The following HOXC9 variants were observed in gnomAD, a reference collection of about 807,000 sequenced individuals.
HOXC9 encodes homeobox C9, also known as homeobox protein Hox-C9.
Under a neutral mutation model 20.0 loss-of-function variants are expected in HOXC9, and 10 were observed. The observed-to-expected ratio is 0.50, with a 90% CI of 0.31 to 0.85. The LOEUF is 0.85. Among genes scored for constraint, HOXC9 ranks in the 40% least tolerant of loss-of-function variants. HOXC9 has a pLI of 0.05. For synonymous variants in HOXC9, 200 were observed against 163.7 expected (o/e 1.22, Z -1.69); for missense variants, 394 against 376.7 (o/e 1.05, Z -0.38).
At chr12:54,001,287 G>A (rs1481985776) in intron 1 of HOXC9, among the ~76,000 whole-genome samples, 5 of 152,042 alleles carry the variant, frequency 3.3e-5, no homozygotes, top group Non-Finnish European at 5.9e-5. Flanking sequence ...GGAGAGATCA[G>A]GACTTTCAAA....
At chr12:54,001,157 G>A (rs540953610) in intron 1 of HOXC9, among the ~76,000 whole-genome samples, 4 of 152,156 alleles carry the variant, frequency 2.6e-5, no homozygotes, top group Non-Finnish European at 4.4e-5. Flanking sequence ...AATGACCCCT[G>A]CTTCCCAGTC....
chr12:54,001,819 T>C (rs1049628837), intron 1 of HOXC9, among the ~76,000 whole-genome samples: 4 of 151,862 alleles, frequency 2.6e-5, no homozygotes, highest in Non-Finnish European at 4.4e-5. Flanking sequence ...AAAACTAAGA[T>C]ATAGGGGAGC....
In HOXC9 at chr12:54,000,563, G is replaced by T; in HGVS notation, c.375G>T (p.Gly125=). Residue 125 remains glycine, a synonymous_variant, in exon 1 of 2, where the codon GGG becomes GGT. Transcript: ENST00000303450. ...HYALKPDAYP[G]RRADCGPGEG... is the part of the protein sequence containing the mutation. ...CCCTCAAGCCGGACGCCTACCCCGGGCGCCGCGCGGACTGCGGCCCAGGGG... is the reference window on the plus strand; with the variant it reads ...CCCTCAAGCCGGACGCCTACCCCGGTCGCCGCGCGGACTGCGGCCCAGGGG... 9 of 1,537,422 alleles carry T rather than the reference G, an allele frequency of 5.9e-6. No individual in the cohort carries two copies. The highest frequency in any genetic ancestry group is 7.8e-6 in the Non-Finnish European group (9 of 1,149,472).
chr12:54,002,301 A>C (rs1939763723), intron 1 of HOXC9, 129 bp from the exon 2 acceptor site: 2 of 1,219,892 alleles, frequency 1.6e-6, no homozygotes, highest in Admixed American at 4.6e-5. Context: ...AAATTCCTAA[A>C]GCAAAATGTG....
At chr12:54,001,701 G>C (rs533910422) in intron 1 of HOXC9, among the ~76,000 whole-genome samples, 27 of 152,194 alleles carry the variant, frequency 1.8e-4, no homozygotes, top group African/African-American at 3.1e-4. Context: ...TCCTCTGAAG[G>C]CTTCCCTCCC....
intron 1 of HOXC9, among the ~76,000 whole-genome samples, chr12:54,000,950 C>A (rs971907496): frequency 6.6e-6 from 1 of 152,146 alleles, no homozygotes; most frequent in African/African-American, 2.4e-5. Context: ...GGGAGCTCCT[C>A]TCTCAGGAGC....
chr12:54,002,832 A>C lies in HOXC9; in HGVS notation c.*158A>C. The C allele has an allele frequency of 3.7e-6, 3 of 813,494 alleles. No individual in the cohort carries two copies. Among genetic ancestry groups the C allele is most frequent in the Non-Finnish European group, 3.7e-6 (2 of 545,472 alleles). The allele number at this position is 813,494 out of a possible 1,614,324, so 50.4% of individuals were successfully genotyped here. A position where few individuals can be genotyped will look rare whatever the true frequency, so the allele number is the denominator to read the frequency against. On this transcript the variant is annotated 3_prime_UTR_variant, in exon 2 of 2. Transcript: ENST00000303450. ...AGAAAAACAAGGAAGGGGAAAAGAA[A>C]ACTCTTGCGATTTGGGAGGGTTCAG...
chr12:54,002,362 G>T, intron 1 of HOXC9, 68 bp from the exon 2 acceptor site: 1 of 1,560,394 alleles, frequency 6.4e-7, no homozygotes, highest in Non-Finnish European at 8.7e-7. Context: ...TAAGTCTAGG[G>T]GTAGAGTAGC....
At position 54,000,636 on chromosome 12, in the gene HOXC9, C is replaced by A; in HGVS notation, c.448C>A (p.Arg150Ser). 6.5e-7 allele frequency: 1 copy of A among 1,542,164 alleles called. No homozygotes were observed. Among genetic ancestry groups the A allele is most frequent in the Non-Finnish European group, 8.7e-7 (1 of 1,150,530 alleles). Residue 150 changes from arginine (R) to serine (S), a missense_variant, in exon 1 of 2, where the codon CGC (arginine) becomes AGC (serine). Physicochemically the swap from Arg to Ser is moderately radical, Grantham distance 110. Transcript: ENST00000303450. ...DYMYGSPGEL[R>S]DRAPQTLPSP... ...CATGTACGGCTCGCCCGGGGAGCTG[C>A]GCGACCGCGCCCCGCAGACACTGCC...
Position 54,002,908 on chromosome 12 carries a change from G to A in HOXC9, c.*234G>A, listed in dbSNP as rs1939779803. 4 of 391,668 alleles carry A rather than the reference G, an allele frequency of 1.0e-5. No homozygotes were observed. Among genetic ancestry groups the A allele is most frequent in the Non-Finnish European group, 1.3e-5 (3 of 223,164 alleles). The allele number at this position is 391,668 out of a possible 1,614,324, so 24.3% of individuals were successfully genotyped here. ...TAGTTCTACCCAGCGAGGAGGAGGCGGGGAGAGAAACTGCGTTCTCTTTCC... is the reference window on the plus strand; with the variant it reads ...TAGTTCTACCCAGCGAGGAGGAGGCAGGGAGAGAAACTGCGTTCTCTTTCC... On this transcript the variant is annotated 3_prime_UTR_variant, in exon 2 of 2. Coordinates refer to ENST00000303450, the MANE Select transcript of HOXC9 (RefSeq NM_006897.3).
At position 54,000,410 on chromosome 12, in the gene HOXC9, C is replaced by T. The variant is rs34136736; in HGVS notation, c.222C>T (p.Ser74=). The change falls in exon 1 of 2, where the codon TCC becomes TCT. Residue 74 remains serine, a synonymous_variant. Transcript: ENST00000303450. The part of the protein sequence containing the change: ...TSWAPVPSQS[S]VVYHPYGPQP... ...GGGCGCCCGTGCCCTCTCAGTCGTC[C>T]GTGGTATATCACCCGTACGGCCCCC... The T allele has an allele frequency of 1.1e-4, 174 of 1,611,860 alleles. No individual in the cohort carries two copies. Among genetic ancestry groups the T allele is most frequent in the Non-Finnish European group, 1.4e-4 (170 of 1,180,000 alleles).
chr12:54,002,385 C>G, intron 1 of HOXC9, 45 bp from the exon 2 acceptor site: 1 of 1,590,480 alleles, frequency 6.3e-7, no homozygotes, highest in Middle Eastern at 2.0e-4. Context: ...AAGTCCTGGG[C>G]TGGAAAGGGG....
Position 54,000,738 on chromosome 12 carries a change from G to C in HOXC9, c.538+12G>C. 10 of 1,509,136 alleles carry C rather than the reference G, an allele frequency of 6.6e-6. No homozygotes were observed. Among genetic ancestry groups the C allele is most frequent in the Non-Finnish European group, 8.8e-6 (10 of 1,136,480 alleles). The allele number at this position is 1,509,136 out of a possible 1,614,324, so 93.5% of individuals were successfully genotyped here. ...CGACCTGGACCCCAGTAAGTTGGGA[G>C]CAATTTTCCTTTACAACCGGCGCGG... On this transcript the variant is annotated intron_variant, in intron 1 of 1. Transcript: ENST00000303450.
In HOXC9 at chr12:54,001,429, T is replaced by TACACACACACAC. The variant is rs56935573; in HGVS notation, c.538+718_538+729dup. On this transcript the variant is annotated intron_variant, in intron 1 of 1. Coordinates refer to ENST00000303450, the MANE Select transcript of HOXC9 (RefSeq NM_006897.3). ...GGCATCTCCCCAGATTAGAGAATTC[T>TACACACACACAC]ACACACACACACACACACACACACA... Among the ~76,000 whole-genome samples, 238 of 146,420 alleles carry TACACACACACAC rather than the reference T, an allele frequency of 1.6e-3. 3 individuals are homozygous for TACACACACACAC. Among genetic ancestry groups the TACACACACACAC allele is most frequent in the African/African-American group, 5.5e-3 (219 of 39,584 alleles).
At position 54,000,335 on chromosome 12, in the gene HOXC9, T is replaced by C; in HGVS notation, c.147T>C (p.Asp49=). Residue 49 remains aspartate (D), a synonymous_variant, in exon 1 of 2, where the codon GAT becomes GAC. Coordinates refer to ENST00000303450, the MANE Select transcript of HOXC9 (RefSeq NM_006897.3). ...GCGGTTTGGTGCCGGACTGTAGCGA[T>C]TTTCCGTCCTGTAGCTTCGCGCCCA... ...RPSGLVPDCS[D]FPSCSFAPKP... The C allele has an allele frequency of 6.2e-7, 1 of 1,614,032 alleles. No homozygotes were observed. The highest frequency in any genetic ancestry group is 1.3e-5 in the African/African-American group (1 of 75,058).
At chr12:54,001,455 C>T (rs1201754691) in intron 1 of HOXC9, among the ~76,000 whole-genome samples, 2 of 150,878 alleles carry the variant, frequency 1.3e-5, no homozygotes, top group Admixed American at 6.6e-5. Flanking sequence ...CACACACACA[C>T]TCACTCTCAC....
intron 1 of HOXC9, 22 bp from the exon 2 acceptor site, chr12:54,002,408 C>A: frequency 6.2e-7 from 1 of 1,610,628 alleles, no homozygotes; most frequent in Non-Finnish European, 8.5e-7. Context: ...CCACTGACCC[C>A]TGCTTGTGTT....
intron 1 of HOXC9, 79 bp downstream of exon 1, chr12:54,000,805 C>T (rs1939724384): frequency 7.7e-7 from 1 of 1,304,162 alleles, no homozygotes; most frequent in South Asian, 1.6e-5. Flanking sequence ...AATTACAGCC[C>T]TCCCGAACCG....
At position 54,000,706 on chromosome 12, in the gene HOXC9, A is replaced by G; in HGVS notation, c.518A>G (p.Glu173Gly). 6.4e-7 allele frequency: 1 copy of G among 1,563,742 alleles called. No homozygotes were observed. Among genetic ancestry groups the G allele is most frequent in the South Asian group, 1.2e-5 (1 of 85,384 alleles). Reference sequence around the variant, plus strand: ...CTCGCCGGCAGCAAGCACAAAGAGGAGAAGGCCGACCTGGACCCCAGTAAG... The same window carrying G: ...CTCGCCGGCAGCAAGCACAAAGAGGGGAAGGCCGACCTGGACCCCAGTAAG... ...DALAGSKHKEEKADLDPSNPV... is the reference protein window; with the variant it reads ...DALAGSKHKEGKADLDPSNPV... The change falls in exon 1 of 2, where the codon GAG (glutamate) becomes GGG (glycine). Residue 173 changes from glutamate (E) to glycine (G), a missense_variant. By Grantham distance (98) the Glu-to-Gly change is moderately conservative. Coordinates refer to ENST00000303450, the MANE Select transcript of HOXC9 (RefSeq NM_006897.3).
Sources: gnomAD v4.1 joint callset for allele counts (sites outside exome capture counted in the v4.1 genomes callset) on GRCh38, gnomAD v4.1.1 for gene constraint, MANE v1.5 for transcripts, NCBI Gene and HGNC (gene_info 2026-07-23, HGNC 2026-07-21) for gene names.